MAPKBP1: variants seen among roughly 807,000 people sequenced by gnomAD.
MAPKBP1 encodes mitogen-activated protein kinase-binding protein 1.
In MAPKBP1, 71 loss-of-function variants were observed where a neutral mutation model predicts 170.5. That is an observed-to-expected ratio of 0.42 (90% confidence interval 0.34 to 0.51). MAPKBP1 has a LOEUF of 0.51. MAPKBP1 is among the 20% of genes least tolerant of loss of function. The pLI, the probability that MAPKBP1 is intolerant of heterozygous loss-of-function variation, is 0.06. For missense variants in MAPKBP1, 1,598 were observed against 1,933.0 expected (o/e 0.83, Z 3.25); for synonymous variants, 719 against 757.9 (o/e 0.95, Z 0.84).
intron 2 of MAPKBP1, among the ~76,000 whole-genome samples, chr15:41,783,823 C>A (rs2064231644): frequency 1.3e-5 from 2 of 152,190 alleles, no homozygotes; most frequent in Non-Finnish European, 2.9e-5. Context: ...TCCTGGCTAA[C>A]ATGGTGAAAC....
rs960314728 is a variant in MAPKBP1 at position 41,817,804 on chromosome 15, A to G, written c.1904+69A>G. ...CCTACGGGGTCAGCTCTGTGCAGCT[A>G]AGTTCCCACATCTGTCGTTCTGTAC... On this transcript the variant is annotated intron_variant, in intron 16 of 30. Transcript: ENST00000457542. This position sits in a 1 kb window ranked among gnomAD's most constrained non-coding sequence, Gnocchi z 4.2. 10 of 1,593,198 alleles carry G rather than the reference A, an allele frequency of 6.3e-6. No individual in the cohort carries two copies. The highest frequency in any genetic ancestry group is 3.3e-4 in the Middle Eastern group (2 of 6,052).
chr15:41,813,526 G>C (rs113467878), intron 8 of MAPKBP1, 95 bp from the exon 9 acceptor site: 1 of 1,524,986 alleles, frequency 6.6e-7, no homozygotes, highest in East Asian at 2.3e-5. Context: ...TGCCTTGGCC[G>C]GTCCCTCCTC....
intron 26 of MAPKBP1, 77 bp from the exon 27 acceptor site, chr15:41,822,516 T>C: frequency 6.2e-7 from 1 of 1,605,348 alleles, no homozygotes; most frequent in Non-Finnish European, 8.5e-7. Context: ...AGGCTGTGGC[T>C]GGGGGTCTCA....
Position 41,803,434 on chromosome 15 carries a change from A to AAAAAAAAAAAAAAAAAAAAAAAAAAAG in MAPKBP1, c.206+3521_206+3522insAAAAAAAAAAAAAAAAAAAAAAAAAGA, listed in dbSNP as rs58804270. 4.4e-5 allele frequency among the ~76,000 whole-genome samples: 4 copies of AAAAAAAAAAAAAAAAAAAAAAAAAAAG among 90,780 alleles called. 2 individuals carry two copies. The highest frequency in any genetic ancestry group is 8.7e-5 in the African/African-American group (2 of 23,104). 59.6% of individuals were successfully genotyped at this position (90,780 alleles called of 152,430 possible). ...ATCTCAAAAAAAAAAAAAAAAAAAA[A>AAAAAAAAAAAAAAAAAAAAAAAAAAAG]AGGTTAAGCAGGCAGGGTGCAGTGG... On this transcript the variant is annotated intron_variant, in intron 3 of 30. Coordinates refer to ENST00000457542, the MANE Select transcript of MAPKBP1 (RefSeq NM_014994.3).
At chr15:41,813,329 G>T in intron 8 of MAPKBP1, 1 of 1,528,570 alleles carries the variant, frequency 6.5e-7, no homozygotes, top group South Asian at 1.1e-5. Flanking sequence ...CTTCCGCTCA[G>T]AACATAGACA....
chr15:41,815,341 G>T lies in MAPKBP1; in HGVS notation c.1253G>T (p.Arg418Leu). 1 of 1,614,104 alleles carries T rather than the reference G, an allele frequency of 6.2e-7. No individual in the cohort carries two copies. The highest frequency in any genetic ancestry group is 8.5e-7 in the Non-Finnish European group (1 of 1,180,022). Reference protein sequence around the residue: ...FITCSSDNTIRLWNTESSGVH... With the variant: ...FITCSSDNTILLWNTESSGVH... ...ACCTGCTCCTCAGACAACACCATCC[G>T]CCTGTGGAACACAGAGAGCTCCGGG... Residue 418 changes from arginine to leucine, a missense_variant, in exon 11 of 31, where the codon CGC becomes CTC. Coordinates refer to ENST00000457542, the MANE Select transcript of MAPKBP1 (RefSeq NM_014994.3).
At chr15:41,806,931 C>T (rs952602006) in intron 3 of MAPKBP1, among the ~76,000 whole-genome samples, 3 of 152,192 alleles carry the variant, frequency 2.0e-5, no homozygotes, top group Non-Finnish European at 2.9e-5. Context: ...CACAAGGAGC[C>T]CTGGCTATGC....
chr15:41,816,502 G>T, intron 12 of MAPKBP1, 57 bp from the exon 13 acceptor site: 2 of 1,205,486 alleles, frequency 1.7e-6, no homozygotes, highest in Non-Finnish European at 2.5e-6. Context: ...AGGAGGGGGC[G>T]TGAGTCCTTC....
chr15:41,806,584 C>CA (rs760502469), intron 3 of MAPKBP1, among the ~76,000 whole-genome samples: 3 of 152,168 alleles, frequency 2.0e-5, no homozygotes, highest in East Asian at 3.9e-4. Context: ...GTGGGCCCAG[C>CA]ACCTGGCACT....
Position 41,812,496 on chromosome 15 carries a change from TC to T in MAPKBP1, c.499-18del. 1 of 1,614,250 alleles carries T rather than the reference TC, an allele frequency of 6.2e-7. No individual in the cohort carries two copies. The highest frequency in any genetic ancestry group is 8.5e-7 in the Non-Finnish European group (1 of 1,180,036). ...CTCCAAGAGACAGAGCCTTGATTCT[TC>T]CTTTGGCATCCCCTCCAGAAAAACA... On this transcript the variant is annotated intron_variant, in intron 6 of 30. Transcript: ENST00000457542.
rs888259377 is a variant in MAPKBP1 at position 41,775,188 on chromosome 15, G to C, written c.-88G>C. Reference sequence around the variant, plus strand: ...TCAGGTCAGTGAGAGGGCATACTGGGAAGCCCTCTGGAGTGGGAAGACAGT... The same window carrying C: ...TCAGGTCAGTGAGAGGGCATACTGGCAAGCCCTCTGGAGTGGGAAGACAGT... On this transcript the variant is annotated 5_prime_UTR_variant, in exon 2 of 31. Coordinates refer to ENST00000457542, the MANE Select transcript of MAPKBP1 (RefSeq NM_014994.3). 1 of 985,076 alleles carries C rather than the reference G, an allele frequency of 1.0e-6. No individual in the cohort carries two copies. Among genetic ancestry groups the C allele is most frequent in the Non-Finnish European group, 1.6e-6 (1 of 628,604 alleles). The allele number at this position is 985,076 out of a possible 1,614,324, so 61.0% of individuals were successfully genotyped here. A position where few individuals can be genotyped will look rare whatever the true frequency, so the allele number is the denominator to read the frequency against.
chr15:41,800,441 C>T (rs1303927049), intron 3 of MAPKBP1, among the ~76,000 whole-genome samples: 1 of 151,784 alleles, frequency 6.6e-6, no homozygotes, highest in Non-Finnish European at 1.5e-5. Context: ...CTCCGACACT[C>T]AAGCAATCCT....
At position 41,818,223 on chromosome 15, in the gene MAPKBP1, T is replaced by C. The variant is rs377337993; in HGVS notation, c.2010T>C (p.Ile670=). Residue 670 remains isoleucine, a synonymous_variant, in exon 18 of 31, where the codon ATT becomes ATC. Transcript: ENST00000457542. The surrounding 1 kb of genome is among the most constrained non-coding windows in gnomAD (Gnocchi z 5.2). ...AGACAGACCCCTCAGGGATCTACATTGCCACCAGCTGTTCTGACAAGAATC... is the reference window on the plus strand; with the variant it reads ...AGACAGACCCCTCAGGGATCTACATCGCCACCAGCTGTTCTGACAAGAATC... ...KVQTDPSGIY[I]ATSCSDKNLS... 3.7e-6 allele frequency: 6 copies of C among 1,613,988 alleles called. No homozygotes were observed. In the African/African-American group the frequency reaches 5.3e-5, roughly 14 times the overall value.
intron 4 of MAPKBP1, 93 bp downstream of exon 4, chr15:41,811,038 C>T: frequency 1.3e-6 from 2 of 1,556,166 alleles, no homozygotes; most frequent in Non-Finnish European, 1.8e-6. Context: ...GGGCTGGGAC[C>T]TGGTTGGGTC....
chr15:41,817,096 C>T lies in MAPKBP1; in HGVS notation c.1711+61C>T. ...CTCACCCCTGCTGCCATCTGCCTCC[C>T]ACCTCCATGAGAAGGGTCTGCCCAT... On this transcript the variant is annotated intron_variant, in intron 14 of 30. Transcript: ENST00000457542. The surrounding 1 kb of genome is among the most constrained non-coding windows in gnomAD (Gnocchi z 4.2). The T allele has an allele frequency of 6.5e-7, 1 of 1,531,614 alleles. No homozygotes were observed. Among genetic ancestry groups the T allele is most frequent in the Non-Finnish European group, 8.8e-7 (1 of 1,136,934 alleles). 94.9% of individuals were successfully genotyped at this position (1,531,614 alleles called of 1,614,324 possible).
chr15:41,807,109 A>G (rs914055326), intron 3 of MAPKBP1, among the ~76,000 whole-genome samples: 5 of 152,186 alleles, frequency 3.3e-5, no homozygotes, highest in Non-Finnish European at 5.9e-5. Flanking sequence ...TAGCTCTTCC[A>G]TGGCACACCT....
rs1266967199 is a variant in MAPKBP1, at chr15:41,818,998, A to G, written c.2291+41A>G. The G allele has an allele frequency of 6.2e-7, 1 of 1,606,810 alleles. No homozygotes were observed. The highest frequency in any genetic ancestry group is 1.3e-5 in the African/African-American group (1 of 74,804). The stretch of plus-strand genomic sequence containing the variant: ...GGGCAAGTGATGGGTGGGTGTGCAG[A>G]TGGCTTGCTGGGACCTCACTGCACT... On this transcript the variant is annotated intron_variant, in intron 20 of 30. Coordinates refer to ENST00000457542, the MANE Select transcript of MAPKBP1 (RefSeq NM_014994.3). This position sits in a 1 kb window ranked among gnomAD's most constrained non-coding sequence, Gnocchi z 5.2.
intron 3 of MAPKBP1, among the ~76,000 whole-genome samples, chr15:41,801,857 A>G (rs918303403): frequency 3.3e-5 from 5 of 152,160 alleles, no homozygotes; most frequent in Non-Finnish European, 5.9e-5. Context: ...CTTAAAAAAA[A>G]ACAAGCCACC....
At position 41,823,998 on chromosome 15, in the gene MAPKBP1, C is replaced by A; in HGVS notation, c.4150C>A (p.Pro1384Thr). Residue 1384 changes from proline to threonine, a missense_variant, in exon 29 of 31, where the codon CCT becomes ACT. Pro to Thr is a conservative substitution (Grantham distance 38). Coordinates refer to ENST00000457542, the MANE Select transcript of MAPKBP1 (RefSeq NM_014994.3). Reference protein sequence around the residue: ...QGPENLQPPPPEKTPNPMECT... With the variant: ...QGPENLQPPPTEKTPNPMECT... ...CCCTGAAAACTTGCAGCCCCCACCC[C>A]CTGAGAAGACTCCCAACCCCATGGA... is the stretch of plus-strand genomic sequence containing the variant. 6.2e-7 allele frequency: 1 copy of A among 1,613,170 alleles called. No individual in the cohort carries two copies. The highest frequency in any genetic ancestry group is 2.2e-5 in the East Asian group (1 of 44,878).
Sources: allele counts gnomAD v4.1 joint callset (sites outside exome capture counted in the v4.1 genomes callset), GRCh38; gene constraint gnomAD v4.1.1; non-coding constraint Gnocchi (gnomAD v3.1); transcripts MANE v1.5; gene names NCBI Gene and HGNC (gene_info 2026-07-23, HGNC 2026-07-21).